POT1: variants seen among roughly 807,000 people sequenced by gnomAD.
The protein encoded by POT1 is protection of telomeres 1, also known as protection of telomeres protein 1.
A neutral mutation model predicts 78.5 loss-of-function variants in POT1; 47 were observed. The ratio of observed to expected loss-of-function variants is 0.60; its 90% CI spans 0.47 to 0.76. The LOEUF is 0.76. Among genes scored for constraint, POT1 ranks in the 30% least tolerant of loss-of-function variants. The pLI is 0.00. For missense variants in POT1, 646 were observed against 749.9 expected (o/e 0.86, Z 1.62); for synonymous variants, 259 against 260.7 (o/e 0.99, Z 0.06).
chr7:124,836,900 C>T (rs991486978), intron 14 of POT1, among the ~76,000 whole-genome samples: 2 of 152,144 alleles, frequency 1.3e-5, no homozygotes, highest in African/African-American at 2.4e-5. Flanking sequence ...GCCACTAATG[C>T]CTAAATCAGT....
intron 8 of POT1, among the ~76,000 whole-genome samples, chr7:124,860,309 T>C (rs988069211): frequency 5.9e-5 from 9 of 152,136 alleles, no homozygotes; most frequent in Non-Finnish European, 1.3e-4. Context: ...AGTGTATGTC[T>C]ATAATGTCAT....
chr7:124,825,387 A>G (rs1794606199), intron 17 of POT1, 30 bp from the exon 18 acceptor site: 1 of 1,365,180 alleles, frequency 7.3e-7, no homozygotes, highest in Non-Finnish European at 1.0e-6. Context: ...AGAAAAAAAA[A>G]GGAAATAATA....
chr7:124,865,318 A>T (rs1050706412), intron 7 of POT1, among the ~76,000 whole-genome samples: 2 of 152,046 alleles, frequency 1.3e-5, no homozygotes, highest in African/African-American at 2.4e-5. Context: ...AGTACATTTA[A>T]GTCTTTGTTT....
intron 2 of POT1, among the ~76,000 whole-genome samples, chr7:124,915,847 G>A (rs1229081573): frequency 6.6e-6 from 1 of 151,980 alleles, no homozygotes; most frequent in Admixed American, 6.6e-5. Context: ...AATACTTCAA[G>A]GTTTATAATA....
intron 6 of POT1, among the ~76,000 whole-genome samples, chr7:124,890,232 A>C (rs1232864710): frequency 6.6e-6 from 1 of 151,958 alleles, no homozygotes; most frequent in Non-Finnish European, 1.5e-5. Flanking sequence ...AAACAGTAAG[A>C]AAACTAGAAT....
At chr7:124,916,610 T>C (rs1797020804) in intron 2 of POT1, among the ~76,000 whole-genome samples, 1 of 151,910 alleles carries the variant, frequency 6.6e-6, no homozygotes, top group African/African-American at 2.4e-5. Context: ...GAGAAAAAAA[T>C]AGTTACAAAG....
chr7:124,881,590 A>C, intron 6 of POT1, among the ~76,000 whole-genome samples: 1 of 152,014 alleles, frequency 6.6e-6, no homozygotes, highest in Admixed American at 6.6e-5. Context: ...TTGTTTTAAC[A>C]AATAGTAACA....
chr7:124,927,904 T>G (rs993401438), intron 2 of POT1, among the ~76,000 whole-genome samples: 1 of 152,184 alleles, frequency 6.6e-6, no homozygotes, highest in African/African-American at 2.4e-5. Flanking sequence ...TGATTCTGCT[T>G]CTTTATCCTG....
At chr7:124,863,792 T>C (rs1192887952) in intron 7 of POT1, 152 bp from the exon 8 acceptor site, 2 of 631,994 alleles carry the variant, frequency 3.2e-6, no homozygotes, top group Non-Finnish European at 5.4e-6. Flanking sequence ...TTAATTAGCA[T>C]GTAAATTCTA....
intron 11 of POT1, 135 bp from the exon 12 acceptor site, chr7:124,847,133 G>A: frequency 1.6e-6 from 1 of 612,304 alleles, no homozygotes; most frequent in South Asian, 2.0e-5. Flanking sequence ...TGATTTAGAA[G>A]GCTCAATATT....
At chr7:124,898,549 C>T (rs1176560143) in intron 3 of POT1, among the ~76,000 whole-genome samples, 175 bp from the exon 4 acceptor site, 1 of 151,952 alleles carries the variant, frequency 6.6e-6, no homozygotes, top group African/African-American at 2.4e-5. Context: ...TAGACTACCA[C>T]TTCCTCTAAA....
Position 124,853,013 on chromosome 7 carries a change from C to T in POT1, c.828G>A (p.Arg276=), listed in dbSNP as rs76496261. 318 of 1,613,460 alleles carry T rather than the reference C, an allele frequency of 2.0e-4. No individual in the cohort carries two copies. The African/African-American group carries it at 3.5e-3, about 18-fold the overall frequency. The change falls in exon 10 of 19, where the codon AGG becomes AGA. Residue 276 remains arginine (R), a synonymous_variant. Transcript: ENST00000357628. ...HGGTSYGRGI[R]VLPESNSDVD... is the part of the protein sequence containing the mutation. ...CATCAGAGTTACTTTCTGGCAAGAC[C>T]CTGATTCCCCGACCGTAACTGGTAC...
intron 6 of POT1, among the ~76,000 whole-genome samples, chr7:124,885,653 C>G (rs1796226938): frequency 6.6e-6 from 1 of 152,074 alleles, no homozygotes; most frequent in East Asian, 1.9e-4. Flanking sequence ...GTAGTCCCAG[C>G]TACTCAGGAG....
At chr7:124,825,759 G>A (rs1374441897) in intron 17 of POT1, among the ~76,000 whole-genome samples, 1 of 152,150 alleles carries the variant, frequency 6.6e-6, no homozygotes. Context: ...CAAGAAGGAA[G>A]GAATTTTGTT....
chr7:124,841,336 C>A (rs921607846), intron 13 of POT1, among the ~76,000 whole-genome samples, 158 bp from the exon 14 acceptor site: 1 of 151,810 alleles, frequency 6.6e-6, no homozygotes, highest in African/African-American at 2.4e-5. Flanking sequence ...ATTCACTTTG[C>A]AGAACAAATA....
chr7:124,835,552 T>C (rs1794880395), intron 14 of POT1, 138 bp from the exon 15 acceptor site: 4 of 963,594 alleles, frequency 4.2e-6, no homozygotes, highest in Non-Finnish European at 5.9e-6. Context: ...GTAAAAAATA[T>C]TAATTTGTAA....
At chr7:124,836,412 T>A (rs1026242733) in intron 14 of POT1, among the ~76,000 whole-genome samples, 1 of 152,182 alleles carries the variant, frequency 6.6e-6, no homozygotes, top group African/African-American at 2.4e-5. Flanking sequence ...TCATTATGCA[T>A]GCTTAAAAAC....
At chr7:124,827,136 G>T in intron 17 of POT1, 78 bp downstream of exon 17, 1 of 760,282 alleles carries the variant, frequency 1.3e-6, no homozygotes, top group Non-Finnish European at 1.9e-6. Flanking sequence ...TAGGAACAAA[G>T]CAGGTATGAA....
At chr7:124,841,677 T>A (rs954394273) in intron 13 of POT1, among the ~76,000 whole-genome samples, 1 of 152,040 alleles carries the variant, frequency 6.6e-6, no homozygotes, top group Non-Finnish European at 1.5e-5. Context: ...AGAAATGGCA[T>A]CATTTGGAAT....
Sources: gnomAD v4.1 joint callset for allele counts (sites outside exome capture counted in the v4.1 genomes callset) on GRCh38, gnomAD v4.1.1 for gene constraint, MANE v1.5 for transcripts, NCBI Gene and HGNC (gene_info 2026-07-23, HGNC 2026-07-21) for gene names.